LYAR: variants seen among roughly 807,000 people sequenced by gnomAD.
The protein encoded by LYAR is cell growth-regulating nucleolar protein.
In LYAR, 37 loss-of-function variants were observed where a neutral mutation model predicts 45.2. The observed-to-expected ratio is 0.82, with a 90% confidence interval of 0.63 to 1.08. LYAR has a LOEUF of 1.08. LYAR is among the 50% of genes least tolerant of loss of function. The pLI, the probability that LYAR is intolerant of heterozygous loss-of-function variation, is 0.00. For synonymous variants in LYAR, 176 were observed against 155.1 expected, an observed-to-expected ratio of 1.14 and a Z score of -1.00; for missense variants, 493 against 451.0, an observed-to-expected ratio of 1.09 and a Z score of -0.84.
In LYAR at chr4:4,285,782, C is replaced by T. The variant is rs575558600; in HGVS notation, c.-54+737G>A. 3.3e-5 allele frequency among the ~76,000 whole-genome samples: 5 copies of T among 152,136 alleles called. No homozygotes were observed. In the South Asian group the frequency reaches 6.2e-4, roughly 19 times the overall value. ...TGGGAGATGGGAGGAAGAAAGGTTT[C>T]GACAAGGCTTAAGAGTGAATTGAGA... On this transcript the variant is annotated intron_variant, in intron 2 of 9. Coordinates refer to ENST00000343470, the MANE Select transcript of LYAR (RefSeq NM_017816.3).
chr4:4,268,414 G>GAC lies in LYAR; in HGVS notation c.1005+114_1005+115dup, dbSNP rs1718796574. The GAC allele has an allele frequency of 1.1e-5, 8 of 725,834 alleles. No individual in the cohort carries two copies. In the East Asian group the frequency reaches 1.8e-4, roughly 17 times the overall value. 45.0% of individuals were successfully genotyped at this position (725,834 alleles called of 1,614,324 possible). ...TTTGGAGCAGCTTGAAAATCACTGA[G>GAC]ACACACACACAGATTTTCAGTGTTT... On this transcript the variant is annotated intron_variant, in intron 9 of 9. Coordinates refer to ENST00000343470, the MANE Select transcript of LYAR (RefSeq NM_017816.3).
intron 3 of LYAR, among the ~76,000 whole-genome samples, chr4:4,283,403 C>A (rs1719480492): frequency 6.6e-6 from 1 of 152,230 alleles, no homozygotes; most frequent in Non-Finnish European, 1.5e-5. Context: ...CCCACCTTGG[C>A]CTCCCAAAGT....
rs115890661 is a variant in LYAR at position 4,283,153 on chromosome 4, A to T, written c.122+468T>A. ...AAAAGCAAATTGTTTCGTAAAGCAC[A>T]TTTCTCCCCCCCAAGAAGGGGTTAA... On this transcript the variant is annotated intron_variant, in intron 3 of 9. Coordinates refer to ENST00000343470, the MANE Select transcript of LYAR (RefSeq NM_017816.3). Among the ~76,000 whole-genome samples, 794 of 152,158 alleles carry T rather than the reference A, an allele frequency of 5.2e-3. 10 individuals carry two copies. The highest frequency in any genetic ancestry group is 0.018 in the African/African-American group (760 of 41,504).
At chr4:4,271,416 C>T (rs1030964741) in intron 8 of LYAR, among the ~76,000 whole-genome samples, 2 of 152,240 alleles carry the variant, frequency 1.3e-5, no homozygotes, top group African/African-American at 2.4e-5. Flanking sequence ...CATTCATCTG[C>T]TGCTGGACAC....
intron 9 of LYAR, among the ~76,000 whole-genome samples, 186 bp downstream of exon 9, chr4:4,268,344 C>T (rs895094252): frequency 1.3e-5 from 2 of 152,168 alleles, no homozygotes; most frequent in African/African-American, 2.4e-5. Flanking sequence ...GTCTTATAAA[C>T]AAGCCCAAAA....
rs762606059 is a variant in LYAR at position 4,267,841 on chromosome 4, A to G, written c.*48T>C. 19 of 1,471,802 alleles carry G rather than the reference A, an allele frequency of 1.3e-5. No homozygotes were observed. The highest frequency in any genetic ancestry group is 4.3e-4 in the Middle Eastern group (2 of 4,684). The allele number at this position is 1,471,802 out of a possible 1,614,324, so 91.2% of individuals were successfully genotyped here. Reference sequence around the variant, plus strand: ...ATTACACATTTTATAAACAGCAGTGAAAGGAAGAAGTCAGCAGAATGGATT... The same window carrying G: ...ATTACACATTTTATAAACAGCAGTGGAAGGAAGAAGTCAGCAGAATGGATT... On this transcript the variant is annotated 3_prime_UTR_variant, in exon 10 of 10. Transcript: ENST00000343470.
chr4:4,283,621 C>T lies in LYAR; in HGVS notation c.122G>A (p.Trp41Ter). Residue 41 changes from tryptophan (W) to a stop codon, truncating the protein, a stop_gained and splice_region_variant, in exon 3 of 10, where the codon TGG (tryptophan) becomes TAG (stop). Transcript: ENST00000343470. LOFTEE classifies it high-confidence loss of function. ...TCTACATGAATTCTGTGAAGCTTAC[C>T]AGAAATCTTTACCGCAGTCAATGCA... ...LSCIDCGKDFWGDDYKNHVKC... is the reference protein window; with the variant it reads ...LSCIDCGKDF The T allele has an allele frequency of 6.2e-7, 1 of 1,609,846 alleles. No individual in the cohort carries two copies. The highest frequency in any genetic ancestry group is 1.1e-5 in the South Asian group (1 of 90,898).
chr4:4,282,162 AT>A (rs200127328), intron 3 of LYAR, among the ~76,000 whole-genome samples: 1 of 152,182 alleles, frequency 6.6e-6, no homozygotes, highest in African/African-American at 2.4e-5. Flanking sequence ...GATAGGCAGT[AT>A]TTTTTTAAGT....
intron 1 of LYAR, among the ~76,000 whole-genome samples, chr4:4,288,990 G>A (rs1044106293): frequency 2.0e-5 from 3 of 152,174 alleles, no homozygotes; most frequent in Non-Finnish European, 2.9e-5. Context: ...AGGCCAACTT[G>A]ACAAGACTCA....
chr4:4,267,711 T>C lies in LYAR; in HGVS notation c.*178A>G. Reference sequence around the variant, plus strand: ...TTTTGCCACAACAAATTTAGAAGTTTGGACCAGAATATATTTTATTTTTCT... The same window carrying C: ...TTTTGCCACAACAAATTTAGAAGTTCGGACCAGAATATATTTTATTTTTCT... On this transcript the variant is annotated 3_prime_UTR_variant, in exon 10 of 10. Coordinates refer to ENST00000343470, the MANE Select transcript of LYAR (RefSeq NM_017816.3). The C allele has an allele frequency of 2.1e-6, 1 of 478,172 alleles. No homozygotes were observed. The highest frequency in any genetic ancestry group is 5.1e-5 in the South Asian group (1 of 19,574). 29.6% of individuals were successfully genotyped at this position (478,172 alleles called of 1,614,324 possible). A position where few individuals can be genotyped will look rare whatever the true frequency, so the allele number is the denominator to read the frequency against.
chr4:4,286,134 GC>G (rs1173291023), intron 2 of LYAR, among the ~76,000 whole-genome samples: 1 of 152,202 alleles, frequency 6.6e-6, no homozygotes, highest in Admixed American at 6.5e-5. Flanking sequence ...TTTTACACTT[GC>G]CATGAAATGG....
chr4:4,282,749 C>T (rs779181090), intron 3 of LYAR, among the ~76,000 whole-genome samples: 18 of 152,184 alleles, frequency 1.2e-4, no homozygotes, highest in South Asian at 8.3e-4. Context: ...TGTCCCTCCC[C>T]GCTAACTCCT....
rs530839178 is a variant in LYAR at position 4,279,695 on chromosome 4, A to G, written c.292T>C (p.Leu98=). The G allele has an allele frequency of 9.8e-5, 158 of 1,614,088 alleles. 1 individual carries two copies. The South Asian group carries it at 1.6e-3, about 17-fold the overall frequency. Residue 98 remains leucine, a synonymous_variant, in exon 5 of 10, where the codon TTA becomes CTA. Transcript: ENST00000343470. The part of the protein sequence containing the change: ...PNVSPKVREL[L]EQISAFDNVP... The stretch of plus-strand genomic sequence containing the variant: ...TTGTCAAAAGCACTAATTTGCTCTA[A>G]AAGTTCTCTCACTTTGGGGCTGACA...
chr4:4,275,090 G>C (rs908882930), intron 6 of LYAR, among the ~76,000 whole-genome samples: 1 of 152,206 alleles, frequency 6.6e-6, no homozygotes, highest in African/African-American at 2.4e-5. Context: ...GATAAGAGAA[G>C]AGTACTTAGG....
At chr4:4,282,698 C>T (rs1215418962) in intron 3 of LYAR, among the ~76,000 whole-genome samples, 2 of 152,176 alleles carry the variant, frequency 1.3e-5, no homozygotes, top group East Asian at 1.9e-4. Context: ...CCTCTGCAAA[C>T]GACCCACCTG....
chr4:4,281,703 A>G (rs2108848242), intron 4 of LYAR, 80 bp downstream of exon 4: 1 of 1,034,294 alleles, frequency 9.7e-7, no homozygotes, highest in East Asian at 2.4e-5. Flanking sequence ...GGGATGACAC[A>G]TTTACTCTTA....
rs145228031 is a variant in LYAR at position 4,274,351 on chromosome 4, T to C, written c.832+16A>G. The C allele has an allele frequency of 1.1e-3, 1,739 of 1,599,608 alleles. 22 individuals carry two copies. In the African/African-American group the frequency reaches 0.018, roughly 16 times the overall value. On this transcript the variant is annotated intron_variant, in intron 7 of 9. Transcript: ENST00000343470. ...CGGTTTTCAGATGAATCCCAGAGCG[T>C]GAGCTAGCCACTTACCTTCCGAGTG...
rs1302590784 is a variant in LYAR, at chr4:4,273,289, A to C, written c.919+294T>G. 2.6e-5 allele frequency among the ~76,000 whole-genome samples: 4 copies of C among 152,212 alleles called. No individual in the cohort carries two copies. The East Asian group carries it at 7.7e-4, about 29-fold the overall frequency. Reference sequence around the variant, plus strand: ...ACCCTAGAGAACTGATTTTACTTTCAAATTCTTATATATACCTCTGGAGGG... The same window carrying C: ...ACCCTAGAGAACTGATTTTACTTTCCAATTCTTATATATACCTCTGGAGGG... On this transcript the variant is annotated intron_variant, in intron 8 of 9. Transcript: ENST00000343470.
rs551351527 is a variant in LYAR, at chr4:4,282,763, A to G, written c.122+858T>C. Reference sequence around the variant, plus strand: ...CTGTCCCTCCCCGCTAACTCCTCACATTCACAGAGGCCTCCTCAGTGGAAG... The same window carrying G: ...CTGTCCCTCCCCGCTAACTCCTCACGTTCACAGAGGCCTCCTCAGTGGAAG... On this transcript the variant is annotated intron_variant, in intron 3 of 9. Transcript: ENST00000343470. 2.6e-5 allele frequency among the ~76,000 whole-genome samples: 4 copies of G among 152,236 alleles called. No individual in the cohort carries two copies. In the East Asian group the frequency reaches 7.7e-4, roughly 29 times the overall value.
Sources: gnomAD v4.1 joint callset for allele counts (sites outside exome capture counted in the v4.1 genomes callset) on GRCh38, gnomAD v4.1.1 for gene constraint, MANE v1.5 for transcripts, NCBI Gene and HGNC (gene_info 2026-07-23, HGNC 2026-07-21) for gene names.